FCRL4: variants seen among roughly 807,000 people sequenced by gnomAD.
The protein encoded by FCRL4 is Fc receptor like 4.
Under a neutral mutation model 64.1 loss-of-function variants are expected in FCRL4, and 43 were observed. The ratio of observed to expected loss-of-function variants is 0.67; its 90% CI spans 0.53 to 0.87. The LOEUF is 0.87. Among genes scored for constraint, FCRL4 ranks in the 40% least tolerant of loss-of-function variants. The pLI, the probability that FCRL4 is intolerant of heterozygous loss-of-function variation, is 0.00. For synonymous variants in FCRL4, 253 were observed against 239.8 expected, an observed-to-expected ratio of 1.05 and a Z score of -0.51; for missense variants, 656 against 613.5, an observed-to-expected ratio of 1.07 and a Z score of -0.73.
intron 2 of FCRL4, among the ~76,000 whole-genome samples, chr1:157,590,496 CT>C (rs775681782): frequency 2.0e-5 from 3 of 150,454 alleles, no homozygotes; most frequent in Non-Finnish European, 4.4e-5. Flanking sequence ...TAATTAAAAC[CT>C]TTTTTCACTT....
chr1:157,580,460 C>A, intron 7 of FCRL4, 112 bp from the exon 8 acceptor site: 1 of 1,076,374 alleles, frequency 9.3e-7, no homozygotes, highest in Admixed American at 1.8e-5. Context: ...ATTCAAACAC[C>A]TGCCCAGTCC....
chr1:157,589,493 G>A (rs192400012), intron 2 of FCRL4, 35 bp from the exon 3 acceptor site: 2 of 1,605,186 alleles, frequency 1.2e-6, no homozygotes, highest in Admixed American at 1.7e-5. Flanking sequence ...TGAGGTGGAG[G>A]TGCCTGCAGT....
chr1:157,578,878 A>C, intron 8 of FCRL4, 26 bp from the exon 9 acceptor site: 3 of 1,574,238 alleles, frequency 1.9e-6, no homozygotes, highest in African/African-American at 1.4e-5. Context: ...ACACATAATA[A>C]TCCCTGGAAC....
chr1:157,587,181 G>A, intron 5 of FCRL4, 95 bp downstream of exon 5: 1 of 1,414,360 alleles, frequency 7.1e-7, no homozygotes, highest in Middle Eastern at 2.6e-4. Flanking sequence ...CCTCTGTCAG[G>A]ATGATAAAAC....
Position 157,575,534 on chromosome 1 carries a change from T to G in FCRL4, c.1538A>C (p.Glu513Ala). Residue 513 changes from glutamate to alanine, a missense_variant, in exon 12 of 12, where the codon GAA becomes GCA. Coordinates refer to ENST00000271532, the MANE Select transcript of FCRL4 (RefSeq NM_031282.3). Reference sequence around the variant, plus strand: ...TAACTTTTCATTCTCTTAACTTTCTTCATCCTTAGAGCTGATCTTTCCAGC... The same window carrying G: ...TAACTTTTCATTCTCTTAACTTTCTGCATCCTTAGAGCTGATCTTTCCAGC... ...NSAGKISSKD[E>A]ES 1 of 1,613,304 alleles carries G rather than the reference T, an allele frequency of 6.2e-7. No homozygotes were observed. Among genetic ancestry groups the G allele is most frequent in the Non-Finnish European group, 8.5e-7 (1 of 1,179,448 alleles).
intron 6 of FCRL4, among the ~76,000 whole-genome samples, chr1:157,582,685 T>C (rs1652588418): frequency 6.6e-6 from 1 of 152,228 alleles, no homozygotes; most frequent in South Asian, 2.1e-4. Context: ...GCTGGTGACA[T>C]TTCTGATATT....
rs763104961 is a variant in FCRL4 at position 157,578,848 on chromosome 1, G to T, written c.1282C>A (p.Pro428Thr). The change falls in exon 9 of 12, where the codon CCT becomes ACT. Residue 428 changes from proline to threonine, a missense_variant. Coordinates refer to ENST00000271532, the MANE Select transcript of FCRL4 (RefSeq NM_031282.3). ...VGFLGDETRL[P>T]PAPGPGESSH... ...GACTCTCCTGGGCCTGGAGCGGGAG[G>T]GAGCCTGTGAGACACAGAAACACAT... is the stretch of plus-strand genomic sequence containing the variant. 3 of 1,612,032 alleles carry T rather than the reference G, an allele frequency of 1.9e-6. No homozygotes were observed. The highest frequency in any genetic ancestry group is 2.5e-6 in the Non-Finnish European group (3 of 1,179,150).
intron 6 of FCRL4, among the ~76,000 whole-genome samples, chr1:157,585,341 TC>T: frequency 8.9e-6 from 1 of 112,044 alleles, no homozygotes; most frequent in East Asian, 3.4e-4. Context: ...TTTCTTTCTC[TC>T]TCTCTTTCTT....
chr1:157,577,362 C>T (rs1652439306), intron 10 of FCRL4, among the ~76,000 whole-genome samples: 1 of 152,080 alleles, frequency 6.6e-6, no homozygotes, highest in Non-Finnish European at 1.5e-5. Context: ...CAAAAGATCT[C>T]AATTTGTTAG....
intron 1 of FCRL4, among the ~76,000 whole-genome samples, chr1:157,597,635 C>T (rs945622899): frequency 1.8e-4 from 28 of 152,144 alleles, no homozygotes; most frequent in Admixed American, 1.7e-3. Context: ...CTGAACCTAG[C>T]CATAGGTTTC....
chr1:157,590,882 C>T (rs577307309), intron 2 of FCRL4, among the ~76,000 whole-genome samples: 154 of 152,170 alleles, frequency 1.0e-3, no homozygotes, highest in African/African-American at 3.6e-3. Flanking sequence ...TCAAGAGAAC[C>T]TTTTTCCTTG....
At position 157,589,351 on chromosome 1, in the gene FCRL4, T is replaced by C. The variant is rs1298703890; in HGVS notation, c.160A>G (p.Lys54Glu). ...TAGTGCCGATGATACCATGTTGTTT[T>C]CTCTGTTGCATAGAACTGAAATCCA... is the stretch of plus-strand genomic sequence containing the variant. Reference protein sequence around the residue: ...CNGFQFYATEKTTWYHRHYWG... With the variant: ...CNGFQFYATEETTWYHRHYWG... The change falls in exon 3 of 12, where the codon AAA becomes GAA. Residue 54 changes from lysine to glutamate, a missense_variant. Coordinates refer to ENST00000271532, the MANE Select transcript of FCRL4 (RefSeq NM_031282.3). 2 of 1,614,198 alleles carry C rather than the reference T, an allele frequency of 1.2e-6. No homozygotes were observed. The highest frequency in any genetic ancestry group is 2.2e-5 in the East Asian group (1 of 44,884).
chr1:157,593,803 C>A (rs1456808250), intron 2 of FCRL4, among the ~76,000 whole-genome samples: 1 of 152,116 alleles, frequency 6.6e-6, no homozygotes, highest in African/African-American at 2.4e-5. Flanking sequence ...TGTTTATTTT[C>A]TGAGTTTTGT....
At position 157,589,367 on chromosome 1, in the gene FCRL4, C is replaced by T. The variant is rs2101684585; in HGVS notation, c.144G>A (p.Gln48=). 6.2e-7 allele frequency: 1 copy of T among 1,614,172 alleles called. No homozygotes were observed. Among genetic ancestry groups the T allele is most frequent in the Non-Finnish European group, 8.5e-7 (1 of 1,180,014 alleles). ...ATGTTGTTTTCTCTGTTGCATAGAA[C>T]TGAAATCCATTGCAAGTCAGAGTCA... The part of the protein sequence containing the change: ...ERVTLTCNGF[Q]FYATEKTTWY... Residue 48 remains glutamine (Q), a synonymous_variant, in exon 3 of 12, where the codon CAG becomes CAA. Transcript: ENST00000271532.
rs144281251 is a variant in FCRL4, at chr1:157,586,236, C to T, written c.1067G>A (p.Gly356Glu). 25 of 1,614,164 alleles carry T rather than the reference C, an allele frequency of 1.5e-5. No individual in the cohort carries two copies. Among genetic ancestry groups the T allele is most frequent in the Non-Finnish European group, 2.0e-5 (24 of 1,180,024 alleles). The change falls in exon 6 of 12, where the codon GGA becomes GAA. Residue 356 changes from glycine (G) to glutamate (E), a missense_variant. By Grantham distance (98) the Gly-to-Glu change is moderately conservative. Transcript: ENST00000271532. Reference sequence around the variant, plus strand: ...GCTGTTGTCTGCTGTACAGTAGTATCCCCCTGCATGGCTCTGTCTGATGGC... The same window carrying T: ...GCTGTTGTCTGCTGTACAGTAGTATTCCCCTGCATGGCTCTGTCTGATGGC... ...LPAIRQSHAG[G>E]YYCTADNSYG...
chr1:157,597,367 A>G (rs758514431), intron 1 of FCRL4, among the ~76,000 whole-genome samples: 7 of 152,220 alleles, frequency 4.6e-5, no homozygotes, highest in Non-Finnish European at 1.0e-4. Flanking sequence ...GCAACTAGGA[A>G]ATCCGTGCCT....
rs1302654186 is a variant in FCRL4 at position 157,586,163 on chromosome 1, C to T, written c.1135+5G>A. The T allele has an allele frequency of 6.3e-7, 1 of 1,599,946 alleles. No individual in the cohort carries two copies. Among genetic ancestry groups the T allele is most frequent in the African/African-American group, 1.3e-5 (1 of 74,510 alleles). On this transcript the variant is annotated splice_donor_5th_base_variant and intron_variant, in intron 6 of 11. Coordinates refer to ENST00000271532, the MANE Select transcript of FCRL4 (RefSeq NM_031282.3). The stretch of plus-strand genomic sequence containing the variant: ...TAAATAAGGTCAATAGAGATTAAAA[C>T]TCACCTCTCACAGTGACATTCAGCA...
chr1:157,592,777 A>T (rs1451276370), intron 2 of FCRL4, among the ~76,000 whole-genome samples: 5 of 152,232 alleles, frequency 3.3e-5, no homozygotes, highest in Non-Finnish European at 7.3e-5. Context: ...CTATAAAGAC[A>T]CATGTACACA....
intron 7 of FCRL4, 144 bp downstream of exon 7, chr1:157,581,387 G>T: frequency 1.6e-6 from 1 of 641,938 alleles, no homozygotes. Flanking sequence ...GGAAGGGACG[G>T]ACGTGAGTGT....
Sources: gnomAD v4.1 joint callset for allele counts (sites outside exome capture counted in the v4.1 genomes callset) on GRCh38, gnomAD v4.1.1 for gene constraint, MANE v1.5 for transcripts, NCBI Gene and HGNC (gene_info 2026-07-23, HGNC 2026-07-21) for gene names.